Variants in SBF2 observed in about 807,000 individuals in gnomAD.
The protein encoded by SBF2 is myotubularin-related protein 13.
In SBF2, 112 loss-of-function variants were observed where a neutral mutation model predicts 225.2. That is an observed-to-expected ratio of 0.50 (90% CI 0.43 to 0.58). The LOEUF (loss-of-function observed/expected upper bound fraction) is 0.58. Among genes scored for constraint, SBF2 ranks in the 20% least tolerant of loss-of-function variants. The pLI, the probability that SBF2 is intolerant of heterozygous loss-of-function variation, is 0.00. For missense variants in SBF2, 1,996 were observed against 2,206.2 expected (o/e 0.90, Z 1.91); for synonymous variants, 763 against 773.3 (o/e 0.99, Z 0.22).
intron 28 of SBF2, chr11:9,828,270 A>G: frequency 5.5e-6 from 7 of 1,273,058 alleles, no homozygotes; most frequent in Non-Finnish European, 7.1e-6. Flanking sequence ...TTGGGTTAAC[A>G]TTACTCAAAT....
At chr11:10,291,152 T>A (rs1237137082) in intron 1 of SBF2, among the ~76,000 whole-genome samples, 1 of 152,238 alleles carries the variant, frequency 6.6e-6, no homozygotes, top group Non-Finnish European at 1.5e-5. Context: ...TCTGAATGTG[T>A]ATGTCCCCTC....
chr11:10,046,235 C>G (rs1949857215), intron 2 of SBF2, among the ~76,000 whole-genome samples: 1 of 152,104 alleles, frequency 6.6e-6, no homozygotes, highest in African/African-American at 2.4e-5. Flanking sequence ...TTATCTGCAA[C>G]CTCTTTCAGA....
intron 13 of SBF2, among the ~76,000 whole-genome samples, chr11:9,988,319 T>A (rs1308892481): frequency 6.6e-6 from 1 of 152,062 alleles, no homozygotes; most frequent in African/African-American, 2.4e-5. Flanking sequence ...TTCTAGAACA[T>A]TGGAAAAACC....
chr11:9,891,344 G>C (rs1439924509), intron 17 of SBF2, among the ~76,000 whole-genome samples: 2 of 152,108 alleles, frequency 1.3e-5, no homozygotes, highest in Non-Finnish European at 2.9e-5. Flanking sequence ...TATACACTCT[G>C]GCTCTGAATT....
At position 10,074,456 on chromosome 11, in the gene SBF2, A is replaced by G. The variant is rs373497636; in HGVS notation, c.142-31475T>C. Reference sequence around the variant, plus strand: ...TCAAATGGAAAGACAAAAATTAGAAACAAAATGTTCTTCGAATTTTATAAA... The same window carrying G: ...TCAAATGGAAAGACAAAAATTAGAAGCAAAATGTTCTTCGAATTTTATAAA... On this transcript the variant is annotated intron_variant, in intron 2 of 39. Transcript: ENST00000256190. 1.0e-3 allele frequency among the ~76,000 whole-genome samples: 157 copies of G among 152,346 alleles called. 1 individual carries two copies. The highest frequency in any genetic ancestry group is 3.6e-3 in the African/African-American group (148 of 41,594).
intron 2 of SBF2, among the ~76,000 whole-genome samples, chr11:10,129,202 C>G (rs936997475): frequency 4.9e-5 from 7 of 144,048 alleles, no homozygotes; most frequent in Admixed American, 3.7e-4. Context: ...CTCCCCAGTT[C>G]AAGCGATTCT....
chr11:9,974,401 A>C (rs950916871), intron 13 of SBF2, among the ~76,000 whole-genome samples: 1 of 152,116 alleles, frequency 6.6e-6, no homozygotes, highest in African/African-American at 2.4e-5. Flanking sequence ...ACCACCAAAA[A>C]TGTCTCCAGA....
chr11:10,237,743 C>A (rs893595449), intron 1 of SBF2, among the ~76,000 whole-genome samples: 1 of 152,224 alleles, frequency 6.6e-6, no homozygotes, highest in African/African-American at 2.4e-5. Flanking sequence ...TCTTTAGGCA[C>A]CTTTGTAATC....
intron 21 of SBF2, among the ~76,000 whole-genome samples, chr11:9,851,145 A>C (rs535338825): frequency 0.014 from 2,102 of 150,040 alleles, 110 homozygotes; most frequent in Non-Finnish European, 0.022. Context: ...CAAAAAAAAA[A>C]AAAACAACAA....
chr11:10,157,689 A>G (rs1310518972), intron 2 of SBF2, among the ~76,000 whole-genome samples: 3 of 152,192 alleles, frequency 2.0e-5, no homozygotes, highest in Non-Finnish European at 4.4e-5. Context: ...ATTACAATGT[A>G]ATAATAATAG....
intron 19 of SBF2, among the ~76,000 whole-genome samples, chr11:9,854,245 T>C (rs1454251594): frequency 2.6e-5 from 4 of 152,240 alleles, no homozygotes; most frequent in Admixed American, 2.0e-4. Context: ...CCAGGATTTA[T>C]CACTCTCTGA....
intron 2 of SBF2, among the ~76,000 whole-genome samples, chr11:10,149,867 G>A (rs1284456549): frequency 6.6e-6 from 1 of 152,100 alleles, no homozygotes; most frequent in Non-Finnish European, 1.5e-5. Context: ...TTGTCTACTA[G>A]TGTCTATCCT....
intron 2 of SBF2, among the ~76,000 whole-genome samples, chr11:10,147,149 A>G (rs1201807945): frequency 6.6e-6 from 1 of 152,216 alleles, no homozygotes; most frequent in Non-Finnish European, 1.5e-5. Context: ...CCATTGTGGA[A>G]AGCAGTGTGG....
At chr11:10,286,162 ACACG>A (rs1446927271) in intron 1 of SBF2, among the ~76,000 whole-genome samples, 1 of 109,206 alleles carries the variant, frequency 9.2e-6, no homozygotes, top group Non-Finnish European at 2.1e-5. Context: ...ATAAACACGC[ACACG>A]CACACACACA....
chr11:10,151,737 G>T (rs899729232), intron 2 of SBF2, among the ~76,000 whole-genome samples: 2 of 151,984 alleles, frequency 1.3e-5, no homozygotes, highest in Non-Finnish European at 2.9e-5. Flanking sequence ...ATGGACTGGG[G>T]GACTTTGGCT....
chr11:9,891,561 T>C (rs936528764), intron 17 of SBF2, among the ~76,000 whole-genome samples: 1 of 152,220 alleles, frequency 6.6e-6, no homozygotes, highest in Non-Finnish European at 1.5e-5. Context: ...GGGCTTGGCA[T>C]AGCTAATAAA....
At chr11:10,131,850 G>A (rs1954074641) in intron 2 of SBF2, among the ~76,000 whole-genome samples, 1 of 152,126 alleles carries the variant, frequency 6.6e-6, no homozygotes, top group South Asian at 2.1e-4. Context: ...CACAGCAAAA[G>A]TTCTTAATTT....
In SBF2 at chr11:10,228,364, T is replaced by C. The variant is rs574361905; in HGVS notation, c.56-34377A>G. On this transcript the variant is annotated intron_variant, in intron 1 of 39. Coordinates refer to ENST00000256190, the MANE Select transcript of SBF2 (RefSeq NM_030962.4). ...CCAGAACTTCCAACACTATGTTCAA[T>C]AGGAGTGGTGAGAGAGGGCATCCCT... 1.6e-4 allele frequency among the ~76,000 whole-genome samples: 25 copies of C among 152,280 alleles called. No individual in the cohort carries two copies. In the East Asian group the frequency reaches 2.7e-3, roughly 16 times the overall value.
chr11:9,947,700 C>T (rs1590571074), intron 16 of SBF2, among the ~76,000 whole-genome samples: 1 of 152,130 alleles, frequency 6.6e-6, no homozygotes, highest in African/African-American at 2.4e-5. Flanking sequence ...AGATGCTCAA[C>T]ACCACTCCCG....
Sources: allele counts gnomAD v4.1 joint callset (sites outside exome capture counted in the v4.1 genomes callset), GRCh38; gene constraint gnomAD v4.1.1; transcripts MANE v1.5; gene names NCBI Gene and HGNC (gene_info 2026-07-23, HGNC 2026-07-21).